Variants in LCMT1 observed in about 807,000 individuals in gnomAD.
The protein encoded by LCMT1 is leucine carboxyl methyltransferase 1.
In LCMT1, 32 loss-of-function variants were observed where a neutral mutation model predicts 47.7. That is an observed-to-expected ratio of 0.67 (90% CI 0.51 to 0.90). LCMT1 has a LOEUF of 0.90. Among genes scored for constraint, LCMT1 ranks in the 40% least tolerant of loss-of-function variants. LCMT1 has a pLI of 0.00. For synonymous variants in LCMT1, 152 were observed against 149.7 expected, an observed-to-expected ratio of 1.02 and a Z score of -0.11; for missense variants, 375 against 415.2, an observed-to-expected ratio of 0.90 and a Z score of 0.84.
At chr16:25,160,129 A>G (rs1961378498) in intron 5 of LCMT1, among the ~76,000 whole-genome samples, 1 of 152,100 alleles carries the variant, frequency 6.6e-6, no homozygotes, top group South Asian at 2.1e-4. Flanking sequence ...TTGTATTTTT[A>G]GTAGAGACGG....
At chr16:25,177,880 C>T (rs1034129872) in intron 10 of LCMT1, 121 bp from the exon 11 acceptor site, 20 of 781,558 alleles carry the variant, frequency 2.6e-5, no homozygotes, top group African/African-American at 7.0e-5. Context: ...AGCAGGAGGG[C>T]GGTGCTACAG....
rs1961418927 is a variant in LCMT1 at position 25,161,089 on chromosome 16, ATTGCAT to A, written c.467-7_467-2del. ...ATATTCATTAAAATTATAGCCTCTG[ATTGCAT>A]TTGCAGATGGACACATACTGGATTC... is the stretch of plus-strand genomic sequence containing the variant. On this transcript the variant is annotated splice_polypyrimidine_tract_variant and splice_region_variant and intron_variant, in intron 5 of 10. Coordinates refer to ENST00000399069, the MANE Select transcript of LCMT1 (RefSeq NM_016309.3). 2.0e-6 allele frequency: 3 copies of A among 1,526,760 alleles called. No homozygotes were observed. Among genetic ancestry groups the A allele is most frequent in the Non-Finnish European group, 2.7e-6 (3 of 1,108,816 alleles). The allele number at this position is 1,526,760 out of a possible 1,614,324, so 94.6% of individuals were successfully genotyped here.
chr16:25,160,665 C>G (rs1295980350), intron 5 of LCMT1: 2 of 466,868 alleles, frequency 4.3e-6, no homozygotes, highest in Non-Finnish European at 8.7e-6. Flanking sequence ...TACCATGTCT[C>G]ATAGTGAGGG....
At chr16:25,153,759 C>G (rs1264409736) in intron 5 of LCMT1, among the ~76,000 whole-genome samples, 1 of 151,894 alleles carries the variant, frequency 6.6e-6, no homozygotes, top group African/African-American at 2.4e-5. Flanking sequence ...TCGAGACCAG[C>G]CTGGCCAACA....
chr16:25,172,666 C>G (rs769582102), intron 9 of LCMT1, among the ~76,000 whole-genome samples: 1 of 152,244 alleles, frequency 6.6e-6, no homozygotes, highest in Non-Finnish European at 1.5e-5. Context: ...AACATTTAGG[C>G]ATATCACTGT....
intron 3 of LCMT1, among the ~76,000 whole-genome samples, chr16:25,139,248 G>A (rs1567315495): frequency 1.3e-5 from 2 of 152,226 alleles, no homozygotes; most frequent in South Asian, 2.1e-4. Flanking sequence ...GGCCCAGTGA[G>A]TTTACTGACT....
At chr16:25,153,509 T>G (rs1961142386) in intron 5 of LCMT1, among the ~76,000 whole-genome samples, 2 of 152,306 alleles carry the variant, frequency 1.3e-5, no homozygotes, top group East Asian at 1.9e-4. Context: ...CAAGTGGCAT[T>G]AATTCATTCA....
chr16:25,150,333 GTTTTTTTTTTTT>G (rs35240331), intron 4 of LCMT1, among the ~76,000 whole-genome samples: 4 of 93,526 alleles, frequency 4.3e-5, no homozygotes, highest in Admixed American at 1.3e-4. Flanking sequence ...TAGTTTTCTG[GTTTTTTTTTTTT>G]TTTTTTTTTT....
chr16:25,152,703 C>T (rs1185006361), intron 5 of LCMT1, among the ~76,000 whole-genome samples: 1 of 152,128 alleles, frequency 6.6e-6, no homozygotes, highest in East Asian at 1.9e-4. Flanking sequence ...TAGTGGCTGC[C>T]TCAGTTAGAG....
intron 4 of LCMT1, 145 bp from the exon 5 acceptor site, chr16:25,151,409 T>G: frequency 1.5e-6 from 1 of 664,170 alleles, no homozygotes; most frequent in Non-Finnish European, 2.6e-6. Flanking sequence ...TGAAGCCCTT[T>G]TTAGAGGGGC....
At chr16:25,166,269 CAAA>C (rs371727353) in intron 7 of LCMT1, among the ~76,000 whole-genome samples, 17 of 96,324 alleles carry the variant, frequency 1.8e-4, no homozygotes, top group Non-Finnish European at 1.7e-4. Context: ...GACGCCATCT[CAAA>C]AAAAAAAAAA....
intron 7 of LCMT1, among the ~76,000 whole-genome samples, chr16:25,168,172 C>A (rs889649330): frequency 1.6e-4 from 24 of 152,176 alleles, no homozygotes; most frequent in African/African-American, 5.8e-4. Context: ...CCTCAGCCTC[C>A]TGAGTAGCTG....
At chr16:25,168,536 C>T (rs1333036221) in intron 7 of LCMT1, among the ~76,000 whole-genome samples, 3 of 152,306 alleles carry the variant, frequency 2.0e-5, no homozygotes, top group African/African-American at 7.2e-5. Flanking sequence ...AAATCTCTCT[C>T]CTGCCCCAGA....
chr16:25,172,419 G>A lies in LCMT1; in HGVS notation c.884+1614G>A, dbSNP rs555539059. Among the ~76,000 whole-genome samples the A allele has an allele frequency of 3.0e-4, 46 of 152,186 alleles. No homozygotes were observed. In the South Asian group the frequency reaches 6.4e-3, roughly 21 times the overall value. On this transcript the variant is annotated intron_variant, in intron 9 of 10. Transcript: ENST00000399069. ...TGTCTGTAGCTGGGCATTTAGTTGC[G>A]GTGTCTTGTTTATTCATCATGTTTT...
chr16:25,128,376 C>G, intron 1 of LCMT1, 99 bp from the exon 2 acceptor site: 1 of 805,530 alleles, frequency 1.2e-6, no homozygotes. Flanking sequence ...GGTTGGTTTT[C>G]GTCGAGTTCC....
At chr16:25,143,226 T>C (rs1277702784) in intron 4 of LCMT1, 2 of 152,188 alleles carry the variant, frequency 1.3e-5, no homozygotes, top group Non-Finnish European at 2.9e-5. Flanking sequence ...TGGTAGATCA[T>C]CTGAGAAGAA....
chr16:25,143,044 AG>A (rs1460280477), intron 4 of LCMT1: 23 of 152,182 alleles, frequency 1.5e-4, no homozygotes, highest in Admixed American at 1.2e-3. Flanking sequence ...AGCCTTTAGG[AG>A]GACTTGGTCC....
intron 4 of LCMT1, chr16:25,143,484 T>C (rs144469936): frequency 2.4e-4 from 36 of 152,322 alleles, no homozygotes; most frequent in African/African-American, 7.9e-4. Flanking sequence ...GGAGTCCAAA[T>C]TGAGAAATTA....
In LCMT1 at chr16:25,164,697, C is replaced by T. The variant is rs1413980772; in HGVS notation, c.669C>T (p.Ala223=). Residue 223 remains alanine, a synonymous_variant, in exon 7 of 11, where the codon GCC becomes GCT. Coordinates refer to ENST00000399069, the MANE Select transcript of LCMT1 (RefSeq NM_016309.3). ...LKWAANSFER[A]MFINYEQVNM... ...GGGCAGCCAACAGTTTTGAGAGAGC[C>T]ATGTTCATAAACTACGAACAGGTAA... 6.2e-7 allele frequency: 1 copy of T among 1,614,014 alleles called. No homozygotes were observed. Among genetic ancestry groups the T allele is most frequent in the East Asian group, 2.2e-5 (1 of 44,884 alleles).
Sources: allele counts gnomAD v4.1 joint callset (sites outside exome capture counted in the v4.1 genomes callset), GRCh38; gene constraint gnomAD v4.1.1; transcripts MANE v1.5; gene names NCBI Gene and HGNC (gene_info 2026-07-23, HGNC 2026-07-21).